FAM78B: variants seen among roughly 807,000 people sequenced by gnomAD.
FAM78B encodes protein FAM78B.
A neutral mutation model predicts 20.0 loss-of-function variants in FAM78B; 10 were observed. That is an observed-to-expected ratio of 0.50 (90% CI 0.31 to 0.85). The LOEUF is 0.85. Ranked by LOEUF, FAM78B falls within the 40% of genes least tolerant of loss-of-function variation. The probability of loss-of-function intolerance (pLI) is 0.05; values close to 1 mark genes in which losing one functional copy is unlikely to be tolerated. For missense variants in FAM78B, 283 were observed against 345.0 expected (o/e 0.82, Z 1.42); for synonymous variants, 135 against 132.8 (o/e 1.02, Z -0.12).
intron 2 of FAM78B, among the ~76,000 whole-genome samples, chr1:166,064,202 G>A (rs1651714645): frequency 6.6e-6 from 1 of 152,168 alleles, no homozygotes; most frequent in African/African-American, 2.4e-5. Flanking sequence ...CCTGGGGACT[G>A]TAGGGTACAA....
intron 1 of FAM78B, among the ~76,000 whole-genome samples, chr1:166,151,834 T>C (rs992083179): frequency 6.6e-6 from 1 of 152,172 alleles, no homozygotes; most frequent in African/African-American, 2.4e-5. Context: ...CTTTATCATG[T>C]AGACAAATGC....
chr1:166,124,896 T>G (rs1331480086), intron 1 of FAM78B, among the ~76,000 whole-genome samples: 3 of 152,206 alleles, frequency 2.0e-5, no homozygotes, highest in African/African-American at 7.2e-5. Context: ...GCAGACCTGG[T>G]GTGGGAGAAG....
At chr1:166,083,561 G>A (rs1571145140) in intron 1 of FAM78B, among the ~76,000 whole-genome samples, 1 of 152,164 alleles carries the variant, frequency 6.6e-6, no homozygotes, top group Non-Finnish European at 1.5e-5. Flanking sequence ...CTGGAGTGCG[G>A]TGGCGCGATC....
chr1:166,124,295 T>C (rs767401089), intron 1 of FAM78B, among the ~76,000 whole-genome samples: 1 of 152,224 alleles, frequency 6.6e-6, no homozygotes, highest in Non-Finnish European at 1.5e-5. Flanking sequence ...TTAGACTAGA[T>C]TGCTTCTTTT....
At chr1:166,104,809 C>T (rs1306083730) in intron 1 of FAM78B, among the ~76,000 whole-genome samples, 1 of 152,214 alleles carries the variant, frequency 6.6e-6, no homozygotes, top group Non-Finnish European at 1.5e-5. Flanking sequence ...AATGCCATCC[C>T]TATCAAGCTA....
chr1:166,117,773 T>C (rs762809594), intron 1 of FAM78B, among the ~76,000 whole-genome samples: 1 of 152,186 alleles, frequency 6.6e-6, no homozygotes, highest in Admixed American at 6.5e-5. Flanking sequence ...AATTGGGACC[T>C]AGGGGCTGGA....
intron 1 of FAM78B, among the ~76,000 whole-genome samples, chr1:166,164,055 C>G (rs527832292): frequency 6.6e-6 from 1 of 152,344 alleles, no homozygotes; most frequent in African/African-American, 2.4e-5. Context: ...ACTACCATGT[C>G]TGTTTATATC....
chr1:166,105,906 C>T (rs10918357), intron 1 of FAM78B, among the ~76,000 whole-genome samples: 29,439 of 151,002 alleles, frequency 0.19, 3,240 homozygotes, highest in East Asian at 0.37. Flanking sequence ...CACATGCACA[C>T]GTATGTTTAT....
At chr1:166,109,890 G>GTATGTGTATATATATA (rs1433152486) in intron 1 of FAM78B, among the ~76,000 whole-genome samples, 1 of 23,192 alleles carries the variant, frequency 4.3e-5, no homozygotes, top group Non-Finnish European at 1.1e-4. Flanking sequence ...ATGTATATAT[G>GTATGTGTATATATATA]TATATATATA....
At chr1:166,100,782 C>G (rs1183884658) in intron 1 of FAM78B, among the ~76,000 whole-genome samples, 1 of 152,256 alleles carries the variant, frequency 6.6e-6, no homozygotes, top group East Asian at 1.9e-4. Flanking sequence ...CATAGCCAAA[C>G]AAAAGGCAGC....
intron 1 of FAM78B, among the ~76,000 whole-genome samples, chr1:166,119,875 G>T (rs572414575): frequency 2.2e-4 from 34 of 152,216 alleles, no homozygotes; most frequent in Non-Finnish European, 4.6e-4. Context: ...GCCCAGCTCA[G>T]ACACACGCCT....
Position 166,063,552 on chromosome 1 carries a change from C to T in FAM78B, c.*410-2889G>A, listed in dbSNP as rs139749346. On this transcript the variant is annotated intron_variant and NMD_transcript_variant, in intron 2 of 2. Coordinates refer to the FAM78B transcript ENST00000435676. ...CCTGGACAATATAGCAAGACTCCAG[C>T]TCTGTGAAAAAATAATAATAAAAAT... Among the ~76,000 whole-genome samples, 138 of 147,630 alleles carry T rather than the reference C, an allele frequency of 9.3e-4. 2 individuals are homozygous for T. The East Asian group carries it at 0.026, about 28-fold the overall frequency.
chr1:166,144,559 CATG>C (rs1655392360), intron 1 of FAM78B, among the ~76,000 whole-genome samples: 1 of 152,074 alleles, frequency 6.6e-6, no homozygotes, highest in African/African-American at 2.4e-5. Flanking sequence ...TTGTTGTCCT[CATG>C]ATGGAGCAGG....
chr1:166,156,449 G>GGA (rs1655900531), intron 1 of FAM78B, among the ~76,000 whole-genome samples: 1 of 152,164 alleles, frequency 6.6e-6, no homozygotes, highest in Non-Finnish European at 1.5e-5. Flanking sequence ...GACTCAGTAT[G>GGA]GAGGGCACTG....
chr1:166,154,708 T>C (rs781692274), intron 1 of FAM78B: 1 of 528,864 alleles, frequency 1.9e-6, no homozygotes, highest in East Asian at 5.5e-5. Flanking sequence ...AGACTAGGTG[T>C]GCTGGGTGCC....
chr1:166,079,616 A>G (rs1652487957), intron 1 of FAM78B, among the ~76,000 whole-genome samples: 1 of 152,164 alleles, frequency 6.6e-6, no homozygotes, highest in Non-Finnish European at 1.5e-5. Context: ...AGGTGGAGCT[A>G]GGGGCTGAGG....
chr1:166,083,493 A>G (rs538080282), intron 1 of FAM78B, among the ~76,000 whole-genome samples: 2 of 152,226 alleles, frequency 1.3e-5, no homozygotes, highest in East Asian at 3.9e-4. Context: ...ATAATAACAA[A>G]ACCCACGCTG....
At chr1:166,119,654 C>T (rs988448360) in intron 1 of FAM78B, among the ~76,000 whole-genome samples, 6 of 152,220 alleles carry the variant, frequency 3.9e-5, no homozygotes, top group East Asian at 1.9e-4. Flanking sequence ...CAAGCCTTTA[C>T]AGTTTCTGCA....
At chr1:166,078,039 A>G (rs185104779) in intron 1 of FAM78B, among the ~76,000 whole-genome samples, 2 of 140,584 alleles carry the variant, frequency 1.4e-5, no homozygotes, top group East Asian at 2.0e-4. Flanking sequence ...AAATATATCT[A>G]TATATATTTT....
Sources: gnomAD v4.1 joint callset for allele counts (sites outside exome capture counted in the v4.1 genomes callset) on GRCh38, gnomAD v4.1.1 for gene constraint, MANE v1.5 for transcripts, NCBI Gene and HGNC (gene_info 2026-07-23, HGNC 2026-07-21) for gene names.